Variants in UBR3 observed in about 807,000 individuals in gnomAD.
UBR3 encodes E3 ubiquitin-protein ligase UBR3.
In UBR3, 85 loss-of-function variants were observed where a neutral mutation model predicts 243.2. The observed-to-expected ratio is 0.35, with a 90% CI of 0.29 to 0.42. The LOEUF is 0.42. Among genes scored for constraint, UBR3 ranks in the 10% least tolerant of loss-of-function variants. UBR3 has a pLI of 1.00. For synonymous variants in UBR3, 748 were observed against 799.8 expected (o/e 0.94, Z 1.09); for missense variants, 1,686 against 2,300.8 (o/e 0.73, Z 5.47).
At chr2:169,877,407 C>T (rs977800434) in intron 3 of UBR3, 87 bp from the exon 4 acceptor site, 4 of 1,182,340 alleles carry the variant, frequency 3.4e-6, no homozygotes, top group Non-Finnish European at 4.6e-6. Context: ...AGAATATTCA[C>T]CTATTTATAG....
chr2:169,861,558 G>A (rs1158722653), intron 1 of UBR3, among the ~76,000 whole-genome samples: 2 of 148,214 alleles, frequency 1.3e-5, no homozygotes, highest in Non-Finnish European at 3.0e-5. Flanking sequence ...AGTGAGCCGA[G>A]ATCGCGCCAC....
chr2:170,073,293 C>T, intron 35 of UBR3, 135 bp from the exon 36 acceptor site: 2 of 923,668 alleles, frequency 2.2e-6, no homozygotes, highest in South Asian at 1.5e-5. Context: ...CTCTTACTCC[C>T]TTCACTTTTT....
At chr2:169,873,101 G>A (rs1435534347) in intron 2 of UBR3, among the ~76,000 whole-genome samples, 1 of 151,874 alleles carries the variant, frequency 6.6e-6, no homozygotes, top group African/African-American at 2.4e-5. Context: ...TTGAATTTCT[G>A]TTCTATAAGA....
chr2:170,025,874 T>C (rs924810667), intron 30 of UBR3, among the ~76,000 whole-genome samples: 13 of 152,152 alleles, frequency 8.5e-5, no homozygotes, highest in African/African-American at 2.7e-4. Flanking sequence ...AGTAAGAGTG[T>C]CATTCACTCA....
At position 170,015,340 on chromosome 2, in the gene UBR3, G is replaced by C. The variant is rs770079365; in HGVS notation, c.4427G>C (p.Ser1476Thr). ...RGGNLCSGGA[S>T]TAGKRSCLNQ... ...GGCAATTTGTGTTCAGGTGGTGCAA[G>C]CACAGCTGGCAAAAGGTCTTGTTTA... is the stretch of plus-strand genomic sequence containing the variant. Residue 1476 changes from serine to threonine, a missense_variant, in exon 30 of 39, where the codon AGC (serine) becomes ACC (threonine). This residue lies in a region of UBR3 where 371 missense variants were observed against 422.5 expected (regional missense o/e 0.88). Coordinates refer to ENST00000272793, the MANE Select transcript of UBR3 (RefSeq NM_172070.4). The C allele has an allele frequency of 5.6e-6, 9 of 1,611,572 alleles. No individual in the cohort carries two copies. The highest frequency in any genetic ancestry group is 3.4e-6 in the Non-Finnish European group (4 of 1,178,692).
chr2:169,955,793 C>CAAAATAAAAAA (rs2087256436), intron 23 of UBR3, among the ~76,000 whole-genome samples: 1 of 78,510 alleles, frequency 1.3e-5, no homozygotes, highest in Non-Finnish European at 2.4e-5. Flanking sequence ...GACTCCATCT[C>CAAAATAAAAAA]AAAAAAAAAA....
At chr2:169,882,990 T>A (rs1006533769) in intron 5 of UBR3, among the ~76,000 whole-genome samples, 1 of 152,234 alleles carries the variant, frequency 6.6e-6, no homozygotes, top group African/African-American at 2.4e-5. Context: ...TCTGCTGGTC[T>A]AAGTGTTCTT....
intron 31 of UBR3, 131 bp downstream of exon 31, chr2:170,029,579 C>G (rs2090617339): frequency 1.5e-6 from 1 of 672,616 alleles, no homozygotes; most frequent in Non-Finnish European, 2.3e-6. Flanking sequence ...AGAAATATAT[C>G]ATAAGAATTG....
At chr2:169,971,539 C>A (rs1442751158) in intron 24 of UBR3, among the ~76,000 whole-genome samples, 1 of 151,886 alleles carries the variant, frequency 6.6e-6, no homozygotes, top group Non-Finnish European at 1.5e-5. Flanking sequence ...CAGCTTTCTA[C>A]ATATGGCTAG....
chr2:170,015,246 A>G (rs1196039675), intron 29 of UBR3, 35 bp from the exon 30 acceptor site: 1 of 1,510,654 alleles, frequency 6.6e-7, no homozygotes, highest in African/African-American at 1.4e-5. Context: ...AAGAATCTTC[A>G]GTTTAATGAC....
chr2:169,950,170 G>A (rs945473558), intron 23 of UBR3, 105 bp downstream of exon 23: 2 of 1,033,012 alleles, frequency 1.9e-6, no homozygotes, highest in Non-Finnish European at 2.8e-6. Flanking sequence ...AACAGGAACA[G>A]TCATAGCTGA....
At chr2:170,069,116 C>G (rs1342382305) in intron 35 of UBR3, among the ~76,000 whole-genome samples, 1 of 152,080 alleles carries the variant, frequency 6.6e-6, no homozygotes, top group East Asian at 1.9e-4. Flanking sequence ...AGGAACACTT[C>G]TGAACTCAAT....
chr2:169,831,447 G>T (rs1225133498), intron 1 of UBR3, among the ~76,000 whole-genome samples: 1 of 151,926 alleles, frequency 6.6e-6, no homozygotes, highest in Non-Finnish European at 1.5e-5. Flanking sequence ...ACCACACCCG[G>T]CCGGATACAT....
At chr2:169,837,682 A>G (rs1386395242) in intron 1 of UBR3, among the ~76,000 whole-genome samples, 1 of 152,068 alleles carries the variant, frequency 6.6e-6, no homozygotes, top group Non-Finnish European at 1.5e-5. Flanking sequence ...GTGAGAACTC[A>G]CTCACTATCA....
intron 5 of UBR3, among the ~76,000 whole-genome samples, chr2:169,880,130 G>C (rs1450233874): frequency 6.6e-6 from 1 of 152,168 alleles, no homozygotes; most frequent in Non-Finnish European, 1.5e-5. Context: ...ATGGGTGAAT[G>C]AATGGGCACT....
At chr2:169,836,067 A>ATATTT (rs1558999159) in intron 1 of UBR3, among the ~76,000 whole-genome samples, 3 of 32,672 alleles carry the variant, frequency 9.2e-5, no homozygotes, top group African/African-American at 1.2e-4. Context: ...ATATATATAT[A>ATATTT]TTTTTTTTTT....
At chr2:169,970,682 C>T (rs879707736) in intron 24 of UBR3, among the ~76,000 whole-genome samples, 2,956 of 122,256 alleles carry the variant, frequency 0.024, 77 homozygotes, top group Non-Finnish European at 0.03. Context: ...GCATAGTATT[C>T]CATGGTGTAT....
chr2:170,082,625 G>A lies in UBR3; in HGVS notation c.*782G>A, dbSNP rs10930398. 149,998 of 152,710 alleles carry A rather than the reference G, an allele frequency of 0.98. 73,717 individuals carry two copies. The highest frequency in any genetic ancestry group is 1 in the East Asian group (5,186 of 5,186). The allele number at this position is 152,710 out of a possible 1,614,324, so 9.5% of individuals were successfully genotyped here. ...TAGAGGTAATAACAAATCTTACTATGAAATCAAGAGGTTTAAGAACATACA... is the reference window on the plus strand; with the variant it reads ...TAGAGGTAATAACAAATCTTACTATAAAATCAAGAGGTTTAAGAACATACA... On this transcript the variant is annotated 3_prime_UTR_variant, in exon 39 of 39. Coordinates refer to ENST00000272793, the MANE Select transcript of UBR3 (RefSeq NM_172070.4).
At chr2:169,878,361 C>CAA (rs34505529) in intron 4 of UBR3, among the ~76,000 whole-genome samples, 164 bp from the exon 5 acceptor site, 86 of 118,576 alleles carry the variant, frequency 7.3e-4, no homozygotes, top group Non-Finnish European at 8.4e-4. Context: ...AATCCCGTCT[C>CAA]AAAAAAAAAA....
Sources: gnomAD v4.1 joint callset for allele counts (sites outside exome capture counted in the v4.1 genomes callset) on GRCh38, gnomAD v4.1.1 for gene constraint, gnomAD v4.1.1 regional missense constraint, MANE v1.5 for transcripts, NCBI Gene and HGNC (gene_info 2026-07-23, HGNC 2026-07-21) for gene names.